Variants in PIK3C3 observed in about 807,000 individuals in gnomAD.
The protein encoded by PIK3C3 is phosphatidylinositol 3-kinase catalytic subunit type 3.
PIK3C3 carries 95 observed loss-of-function variants against 126.1 expected under a neutral mutation model. That is an observed-to-expected ratio of 0.75 (90% CI 0.64 to 0.89). The LOEUF (loss-of-function observed/expected upper bound fraction) is 0.89. Ranked by LOEUF, PIK3C3 falls within the 40% of genes least tolerant of loss-of-function variation. The pLI is 0.00. For missense variants in PIK3C3, 829 were observed against 1,063.2 expected (o/e 0.78, Z 3.06); for synonymous variants, 374 against 360.0 (o/e 1.04, Z -0.44).
intron 6 of PIK3C3, among the ~76,000 whole-genome samples, chr18:41,991,479 A>G (rs1458585183): frequency 1.3e-5 from 2 of 152,224 alleles, no homozygotes; most frequent in Non-Finnish European, 2.9e-5. Flanking sequence ...CTTTTGATAC[A>G]TGGCATAGTA....
At chr18:42,042,506 G>A (rs1316218209) in intron 19 of PIK3C3, among the ~76,000 whole-genome samples, 1 of 152,154 alleles carries the variant, frequency 6.6e-6, no homozygotes, top group African/African-American at 2.4e-5. Flanking sequence ...TAAAATTTCG[G>A]TAATAACCCA....
intron 22 of PIK3C3, among the ~76,000 whole-genome samples, chr18:42,062,628 C>T (rs1985367703): frequency 6.6e-6 from 1 of 152,170 alleles, no homozygotes; most frequent in African/African-American, 2.4e-5. Context: ...ACCCCTCACT[C>T]CCCTTACCAT....
intron 5 of PIK3C3, 67 bp from the exon 6 acceptor site, chr18:41,990,392 T>TA: frequency 2.3e-6 from 2 of 880,118 alleles, no homozygotes; most frequent in Non-Finnish European, 3.8e-6. Flanking sequence ...GGAAAAATGA[T>TA]ACATACTGAT....
intron 24 of PIK3C3, among the ~76,000 whole-genome samples, chr18:42,080,096 G>T (rs1271507352): frequency 6.6e-6 from 1 of 151,970 alleles, no homozygotes; most frequent in Non-Finnish European, 1.5e-5. Context: ...CACAGAATCT[G>T]AGACACTTCC....
At chr18:42,016,973 T>C (rs1339193126) in intron 12 of PIK3C3, among the ~76,000 whole-genome samples, 1 of 152,122 alleles carries the variant, frequency 6.6e-6, no homozygotes, top group Admixed American at 6.6e-5. Flanking sequence ...AAAATGATAG[T>C]TTGTATATAT....
At position 42,039,261 on chromosome 18, in the gene PIK3C3, T is replaced by C. The variant is rs182426111; in HGVS notation, c.2038+411T>C. Among the ~76,000 whole-genome samples the C allele has an allele frequency of 2.5e-3, 378 of 152,332 alleles. 2 individuals are homozygous for C. Among genetic ancestry groups the C allele is most frequent in the African/African-American group, 8.8e-3 (366 of 41,574 alleles). On this transcript the variant is annotated intron_variant, in intron 18 of 24. Coordinates refer to ENST00000262039, the MANE Select transcript of PIK3C3 (RefSeq NM_002647.4). ...TCTTGCTGCCCTTCCTGCTTTATAC[T>C]AGTAGTTACTGAGAAACAAAATACA...
intron 21 of PIK3C3, chr18:42,052,677 T>A (rs1984856981): frequency 6.6e-6 from 1 of 152,190 alleles, no homozygotes; most frequent in Admixed American, 6.5e-5. Context: ...AAAGTGGTTT[T>A]AAGTTACATT....
chr18:42,068,726 G>A (rs1985645425), intron 24 of PIK3C3, among the ~76,000 whole-genome samples: 1 of 152,076 alleles, frequency 6.6e-6, no homozygotes, highest in South Asian at 2.1e-4. Context: ...CAAGGAGGGT[G>A]TATCACGAGA....
At chr18:41,999,870 G>A (rs1335617556) in intron 9 of PIK3C3, among the ~76,000 whole-genome samples, 1 of 151,986 alleles carries the variant, frequency 6.6e-6, no homozygotes, top group East Asian at 1.9e-4. Flanking sequence ...TTTTTTATGG[G>A]GCAGGAAAGC....
At chr18:42,007,370 GT>G (rs1020351771) in intron 10 of PIK3C3, among the ~76,000 whole-genome samples, 2 of 151,392 alleles carry the variant, frequency 1.3e-5, no homozygotes, top group Non-Finnish European at 2.9e-5. Flanking sequence ...TTTATTTACA[GT>G]TTTTTTACAT....
intron 24 of PIK3C3, among the ~76,000 whole-genome samples, chr18:42,069,262 A>G (rs1985676430): frequency 6.6e-6 from 1 of 152,202 alleles, no homozygotes; most frequent in Admixed American, 6.5e-5. Context: ...ATTGTGATTC[A>G]AATAGTATGT....
chr18:41,958,717 ATG>A (rs1245222858), intron 2 of PIK3C3, among the ~76,000 whole-genome samples: 3 of 152,100 alleles, frequency 2.0e-5, no homozygotes, highest in Admixed American at 1.3e-4. Flanking sequence ...ATAGATATAT[ATG>A]TATATAGATA....
At chr18:42,076,050 G>A (rs7504589) in intron 24 of PIK3C3, among the ~76,000 whole-genome samples, 31,646 of 138,860 alleles carry the variant, frequency 0.23, 4,184 homozygotes, top group South Asian at 0.4. Flanking sequence ...TAGATAACCC[G>A]TGTGCAGTTT....
intron 4 of PIK3C3, chr18:41,971,106 C>G (rs1568115225): frequency 6.5e-6 from 1 of 153,276 alleles, no homozygotes; most frequent in Non-Finnish European, 1.5e-5. Flanking sequence ...AAACTAAATT[C>G]TATTCCGTGC....
chr18:42,063,535 G>A (rs1383371699), intron 22 of PIK3C3, among the ~76,000 whole-genome samples: 1 of 152,034 alleles, frequency 6.6e-6, no homozygotes, highest in East Asian at 1.9e-4. Flanking sequence ...GTGGGTTAGG[G>A]CCTGATTTGA....
intron 3 of PIK3C3, among the ~76,000 whole-genome samples, chr18:41,969,376 A>G (rs1436835982): frequency 6.6e-6 from 1 of 152,216 alleles, no homozygotes; most frequent in Non-Finnish European, 1.5e-5. Flanking sequence ...TAACCTCCCC[A>G]TCAGAAAGAA....
chr18:42,063,864 T>C (rs1985425380), intron 22 of PIK3C3, among the ~76,000 whole-genome samples: 1 of 152,132 alleles, frequency 6.6e-6, no homozygotes, highest in Non-Finnish European at 1.5e-5. Context: ...CTGAAACAGC[T>C]AAAACCCTTC....
At chr18:42,052,615 T>C (rs1463269595) in intron 21 of PIK3C3, 1 of 152,188 alleles carries the variant, frequency 6.6e-6, no homozygotes, top group Non-Finnish European at 1.5e-5. Context: ...CAATTTATAA[T>C]AATTTTAAAA....
In PIK3C3 at chr18:41,957,590, G is replaced by A. The variant is rs780567186; in HGVS notation, c.89G>A (p.Arg30Lys). The change falls in exon 2 of 25, where the codon AGA (arginine) becomes AAA (lysine). Residue 30 changes from arginine (R) to lysine (K), a missense_variant. Arg to Lys is a conservative substitution (Grantham distance 26). Around this residue, in one of 4 missense-constraint regions of PIK3C3, gnomAD observed 313 missense variants for 340.7 expected, o/e 0.92. Transcript: ENST00000262039. The stretch of plus-strand genomic sequence containing the variant: ...TTCAGAGGAAGCTTGGAAGGGAAGA[G>A]AGAACAAAAGAGTTATAAAGCTGTC... ...QLKIGSLEGK[R>K]EQKSYKAVLE... The A allele has an allele frequency of 6.2e-7, 1 of 1,608,490 alleles. No homozygotes were observed. The highest frequency in any genetic ancestry group is 8.5e-7 in the Non-Finnish European group (1 of 1,178,652).
Sources: allele counts gnomAD v4.1 joint callset (sites outside exome capture counted in the v4.1 genomes callset), GRCh38; gene constraint gnomAD v4.1.1; regional missense constraint gnomAD v4.1.1; transcripts MANE v1.5; gene names NCBI Gene and HGNC (gene_info 2026-07-23, HGNC 2026-07-21).